CBLN2: variants seen among roughly 807,000 people sequenced by gnomAD.
CBLN2 encodes cerebellin 2 precursor.
A neutral mutation model predicts 15.0 loss-of-function variants in CBLN2; 7 were observed. That is an observed-to-expected ratio of 0.47 (90% CI 0.27 to 0.88). CBLN2 has a LOEUF of 0.88. Among genes scored for constraint, CBLN2 ranks in the 40% least tolerant of loss-of-function variants. CBLN2 has a pLI of 0.14. For missense variants in CBLN2, 242 were observed against 304.5 expected (o/e 0.79, Z 1.53); for synonymous variants, 149 against 135.2 (o/e 1.10, Z -0.71).
intron 1 of CBLN2, among the ~76,000 whole-genome samples, chr18:72,617,176 C>G (rs1299447858): frequency 1.3e-5 from 2 of 152,110 alleles, no homozygotes; most frequent in African/African-American, 4.8e-5. Context: ...TGTAAGTAAA[C>G]CTTTGGCAAG....
chr18:72,573,180 G>C lies in CBLN2; in HGVS notation c.16-34408C>G, dbSNP rs2069343159. On this transcript the variant is annotated intron_variant, in intron 1 of 2. Transcript: ENST00000581073. ...AGATCCTGTTGTTAAAATCTGCTCA[G>C]ATGGCCCTACAGAATTTCAAGAGCA... is the stretch of plus-strand genomic sequence containing the variant. 1.3e-5 allele frequency among the ~76,000 whole-genome samples: 2 copies of C among 152,172 alleles called. 1 individual carries two copies. The highest frequency in any genetic ancestry group is 4.8e-5 in the African/African-American group (2 of 41,442).
At chr18:72,606,887 G>A (rs2069586793) in intron 1 of CBLN2, among the ~76,000 whole-genome samples, 1 of 152,228 alleles carries the variant, frequency 6.6e-6, no homozygotes. Context: ...ATGAGGCCAT[G>A]GATTGCGCTC....
At chr18:72,573,883 C>T (rs966815166) in intron 1 of CBLN2, among the ~76,000 whole-genome samples, 27 of 152,166 alleles carry the variant, frequency 1.8e-4, no homozygotes, top group Non-Finnish European at 2.9e-4. Context: ...AGTGTTTGGA[C>T]CATTTTTCAT....
At chr18:72,621,299 C>T (rs991500093) in intron 1 of CBLN2, among the ~76,000 whole-genome samples, 3 of 152,126 alleles carry the variant, frequency 2.0e-5, no homozygotes, top group African/African-American at 7.2e-5. Context: ...TACTAATACT[C>T]AGGTGTTGAG....
intron 1 of CBLN2, among the ~76,000 whole-genome samples, chr18:72,580,956 T>C (rs1201767294): frequency 6.6e-6 from 1 of 152,160 alleles, no homozygotes; most frequent in African/African-American, 2.4e-5. Flanking sequence ...TAGTACAGTA[T>C]TAGCCAGTAT....
At chr18:72,587,221 A>G (rs2069449732) in intron 1 of CBLN2, among the ~76,000 whole-genome samples, 1 of 152,066 alleles carries the variant, frequency 6.6e-6, no homozygotes, top group Non-Finnish European at 1.5e-5. Context: ...TAAATAGAAA[A>G]TACAAGAGAA....
chr18:72,609,115 G>T (rs930724712), intron 1 of CBLN2, among the ~76,000 whole-genome samples: 1 of 152,118 alleles, frequency 6.6e-6, no homozygotes, highest in Non-Finnish European at 1.5e-5. Flanking sequence ...TGGAGAGAAG[G>T]TGTCTGTATC....
At chr18:72,574,202 C>T (rs949647371) in intron 1 of CBLN2, among the ~76,000 whole-genome samples, 1 of 152,076 alleles carries the variant, frequency 6.6e-6, no homozygotes, top group Non-Finnish European at 1.5e-5. Flanking sequence ...TTAGATATGC[C>T]TTTTGCAAAT....
At chr18:72,595,348 CT>C (rs1310801633) in intron 1 of CBLN2, among the ~76,000 whole-genome samples, 1 of 151,950 alleles carries the variant, frequency 6.6e-6, no homozygotes, top group Non-Finnish European at 1.5e-5. Flanking sequence ...CAAAACTCCT[CT>C]TGTTATTGAT....
At chr18:72,623,830 A>G (rs754076367) in intron 1 of CBLN2, among the ~76,000 whole-genome samples, 19 of 152,052 alleles carry the variant, frequency 1.2e-4, no homozygotes, top group Non-Finnish European at 2.5e-4. Context: ...TGCTTACACC[A>G]ATCTTCTAGA....
chr18:72,601,734 T>C (rs2069549487), intron 1 of CBLN2, among the ~76,000 whole-genome samples: 1 of 151,980 alleles, frequency 6.6e-6, no homozygotes, highest in Admixed American at 6.5e-5. Flanking sequence ...TTTGCAACAA[T>C]CCCAGGCCTC....
At chr18:72,612,432 T>G (rs910009285) in intron 1 of CBLN2, among the ~76,000 whole-genome samples, 1 of 152,146 alleles carries the variant, frequency 6.6e-6, no homozygotes, top group African/African-American at 2.4e-5. Flanking sequence ...CATAAAAGTT[T>G]ACTTCCCTCA....
At chr18:72,595,017 A>G (rs1371594394) in intron 1 of CBLN2, among the ~76,000 whole-genome samples, 1 of 150,152 alleles carries the variant, frequency 6.7e-6, no homozygotes, top group Non-Finnish European at 1.5e-5. Flanking sequence ...TTTTTTTTCA[A>G]TTTAATTTCA....
chr18:72,560,729 C>T (rs1381741008), intron 1 of CBLN2, among the ~76,000 whole-genome samples: 3 of 152,200 alleles, frequency 2.0e-5, no homozygotes, highest in Admixed American at 1.3e-4. Context: ...TAAAAATAGG[C>T]CGGGTGTGGT....
rs112629436 is a variant in CBLN2, at chr18:72,638,321, G to A, written c.15+4C>T. ...TCTGTCTAGCCTAAAGTTTTAACAC[G>A]TACCTTGTCCCAATCCATTCCAGTA... On this transcript the variant is annotated splice_donor_region_variant and intron_variant, in intron 1 of 2. Coordinates refer to the CBLN2 transcript ENST00000581073. 2,391 of 398,464 alleles carry A rather than the reference G, an allele frequency of 6.0e-3. 58 individuals are homozygous for A. Among genetic ancestry groups the A allele is most frequent in the African/African-American group, 0.045 (2,200 of 48,714 alleles). The allele number at this position is 398,464 out of a possible 1,614,324, so 24.7% of individuals were successfully genotyped here.
At chr18:72,597,063 T>G (rs2069518276) in intron 1 of CBLN2, among the ~76,000 whole-genome samples, 1 of 152,212 alleles carries the variant, frequency 6.6e-6, no homozygotes, top group African/African-American at 2.4e-5. Flanking sequence ...GTTTGCCCTT[T>G]TGAGACTATT....
intron 1 of CBLN2, among the ~76,000 whole-genome samples, chr18:72,558,790 C>T (rs1372757910): frequency 6.6e-6 from 1 of 152,204 alleles, no homozygotes; most frequent in Admixed American, 6.5e-5. Context: ...CATGGTGCCT[C>T]ACTCCTGTAA....
exon 1 of CBLN2, chr18:72,638,403 C>T: frequency 2.5e-6 from 1 of 398,342 alleles, no homozygotes; most frequent in Non-Finnish European, 4.4e-6. Flanking sequence ...CCAGTAAATT[C>T]AATTCATTTC....
At chr18:72,632,944 T>A (rs1013666151) in intron 1 of CBLN2, among the ~76,000 whole-genome samples, 1 of 152,188 alleles carries the variant, frequency 6.6e-6, no homozygotes, top group African/African-American at 2.4e-5. Context: ...AAATTTTGAA[T>A]AAATTAATGA....
Sources: gnomAD v4.1 joint callset for allele counts (sites outside exome capture counted in the v4.1 genomes callset) on GRCh38, gnomAD v4.1.1 for gene constraint, MANE v1.5 for transcripts, NCBI Gene and HGNC (gene_info 2026-07-23, HGNC 2026-07-21) for gene names.